The following ALG13 variants were observed in gnomAD, a reference collection of about 807,000 sequenced individuals.
The protein encoded by ALG13 is ALG13 UDP-N-acetylglucosaminyltransferase subunit.
Under a neutral mutation model 87.8 loss-of-function variants are expected in ALG13, and 11 were observed. The ratio of observed to expected loss-of-function variants is 0.13; its 90% CI spans 0.08 to 0.21. ALG13 has a LOEUF of 0.21. Among genes scored for constraint, ALG13 ranks in the 10% least tolerant of loss-of-function variants. ALG13 has a pLI of 1.00. For synonymous variants in ALG13, 320 were observed against 306.3 expected (o/e 1.04, Z -0.47); for missense variants, 756 against 866.1 (o/e 0.87, Z 1.60).
intron 5 of ALG13, among the ~76,000 whole-genome samples, chrX:111,710,330 G>T (rs1403379989): frequency 7.2e-5 from 8 of 111,629 alleles, no homozygotes; most frequent in African/African-American, 2.3e-4. Context: ...ACTGCGTGCA[G>T]TGGAGATTTC....
intron 5 of ALG13, among the ~76,000 whole-genome samples, chrX:111,710,603 A>G (rs1344682703): frequency 8.9e-6 from 1 of 112,096 alleles, no homozygotes; most frequent in Admixed American, 9.4e-5. Flanking sequence ...TACTTACGGA[A>G]GTGATACATT....
In ALG13 at chrX:111,723,826, A is replaced by T. The variant is rs930062859; in HGVS notation, c.1529A>T (p.Tyr510Phe). The change falls in exon 14 of 27, where the codon TAT (tyrosine) becomes TTT (phenylalanine). Residue 510 changes from tyrosine (Y) to phenylalanine (F), a missense_variant. Physicochemically the swap from Tyr to Phe is conservative, Grantham distance 22. Around this residue, in one of 9 missense-constraint regions of ALG13, gnomAD observed 362 missense variants for 383.5 expected, o/e 0.94. Transcript: ENST00000394780. ...QVCLESEGRY[Y>F]NAHIQEVGNE... ...TGCTTGGAATCAGAAGGAAGATATT[A>T]TAATGCTCATATCCAGGAAGTTGGA... is the stretch of plus-strand genomic sequence containing the variant. The T allele has an allele frequency of 8.4e-7, 1 of 1,184,333 alleles. No homozygotes were observed. Among genetic ancestry groups the T allele is most frequent in the Non-Finnish European group, 1.1e-6 (1 of 879,797 alleles).
chrX:111,725,144 T>C, intron 15 of ALG13, 83 bp downstream of exon 15: 1 of 1,048,046 alleles, frequency 9.5e-7, no homozygotes, highest in Non-Finnish European at 1.3e-6. Flanking sequence ...TTTTTAAATG[T>C]ATGTCATATG....
intron 1 of ALG13, chrX:111,681,520 T>C (rs1933164963): frequency 1.0e-6 from 1 of 987,751 alleles, no homozygotes; most frequent in African/African-American, 2.0e-5. Context: ...CTTCCCATTA[T>C]TCCGGCCGCT....
At chrX:111,748,249 A>G (rs983816469) in intron 24 of ALG13, among the ~76,000 whole-genome samples, 1 of 111,849 alleles carries the variant, frequency 8.9e-6, no homozygotes, top group African/African-American at 3.2e-5. Flanking sequence ...TTGTCTTTTC[A>G]TTAAGTGTCT....
At chrX:111,691,578 AGTT>A (rs1201653137) in intron 3 of ALG13, among the ~76,000 whole-genome samples, 2 of 112,396 alleles carry the variant, frequency 1.8e-5, no homozygotes, top group African/African-American at 6.5e-5. Context: ...ATGTGAAAAA[AGTT>A]GTATTTCATT....
At chrX:111,692,801 A>T (rs1602548963) in intron 3 of ALG13, among the ~76,000 whole-genome samples, 1 of 109,349 alleles carries the variant, frequency 9.1e-6, no homozygotes, top group Non-Finnish European at 1.9e-5. Context: ...TTACCAAACA[A>T]TTTTTTTTTT....
chrX:111,760,138 T>C lies in ALG13; in HGVS notation c.*139T>C, dbSNP rs1945618747. ...TTGTCTTTAAAATTATTTTATCTTT[T>C]GATTTAAAATAGTACTTTAAAATTA... On this transcript the variant is annotated 3_prime_UTR_variant, in exon 27 of 27. Coordinates refer to ENST00000394780, the MANE Select transcript of ALG13 (RefSeq NM_001099922.3). 1.9e-5 allele frequency: 14 copies of C among 723,192 alleles called. No homozygotes were observed. In the South Asian group the frequency reaches 4.6e-4, roughly 24 times the overall value. 59.6% of individuals were successfully genotyped at this position (723,192 alleles called of 1,213,427 possible). A position where few individuals can be genotyped will look rare whatever the true frequency, so the allele number is the denominator to read the frequency against.
Position 111,736,748 on chromosome X carries a change from G to A in ALG13, c.2564G>A (p.Cys855Tyr), listed in dbSNP as rs1279923204. The A allele has an allele frequency of 1.1e-5, 13 of 1,209,018 alleles. No individual in the cohort carries two copies. The highest frequency in any genetic ancestry group is 1.5e-5 in the Non-Finnish European group (13 of 894,739). ...AATATTGCAGCAGTTGCAGCTTCCT[G>A]TGCCAATAATGTTCCAGCTCCAGTC... ...MGNIAAVAAS[C>Y]ANNVPAPVLS... The change falls in exon 23 of 27, where the codon TGT becomes TAT. Residue 855 changes from cysteine to tyrosine, a missense_variant. Coordinates refer to ENST00000394780, the MANE Select transcript of ALG13 (RefSeq NM_001099922.3).
intron 25 of ALG13, among the ~76,000 whole-genome samples, chrX:111,754,411 A>C (rs777961259): frequency 3.6e-5 from 4 of 111,982 alleles, no homozygotes; most frequent in Non-Finnish European, 5.6e-5. Context: ...ATAGTATAGG[A>C]AGTTCTGGCC....
chrX:111,698,848 C>T (rs902396750), intron 3 of ALG13, among the ~76,000 whole-genome samples: 1 of 111,413 alleles, frequency 9.0e-6, no homozygotes, highest in Non-Finnish European at 1.9e-5. Context: ...CCCTGACATA[C>T]TGATTTTATT....
chrX:111,739,899 C>T (rs2148360267), intron 23 of ALG13, among the ~76,000 whole-genome samples: 1 of 112,158 alleles, frequency 8.9e-6, no homozygotes, highest in Admixed American at 9.4e-5. Context: ...ATATTTCTAT[C>T]ATCACAAAAA....
intron 1 of ALG13, 66 bp from the exon 2 acceptor site, chrX:111,682,066 G>A: frequency 9.8e-7 from 1 of 1,020,297 alleles, no homozygotes; most frequent in Non-Finnish European, 1.3e-6. Context: ...TAGTAGTGGT[G>A]GTGGTTCCTG....
rs1942108607 is a variant in ALG13 at position 111,726,876 on chromosome X, C to T, written c.1797C>T (p.Tyr599=). ...MFKKIRGKEV[Y]MTMAYGKGDP... is the part of the protein sequence containing the mutation. ...AGAAAATTCGAGGGAAAGAAGTTTA[C>T]ATGACTATGGCTTACGGCAAGGGAG... The change falls in exon 16 of 27, where the codon TAC becomes TAT. Residue 599 remains tyrosine (Y), a synonymous_variant. Transcript: ENST00000394780. 2 of 1,211,094 alleles carry T rather than the reference C, an allele frequency of 1.7e-6. No individual in the cohort carries two copies. Among genetic ancestry groups the T allele is most frequent in the Non-Finnish European group, 2.2e-6 (2 of 895,095 alleles).
intron 23 of ALG13, among the ~76,000 whole-genome samples, chrX:111,738,222 G>A (rs750977894): frequency 3.1e-4 from 35 of 112,368 alleles, no homozygotes; most frequent in African/African-American, 1.1e-3. Flanking sequence ...AGGGGAGAAG[G>A]TCATTTTAGT....
chrX:111,733,843 C>T (rs143793149), intron 21 of ALG13, among the ~76,000 whole-genome samples: 1 of 111,827 alleles, frequency 8.9e-6, no homozygotes, highest in Non-Finnish European at 1.9e-5. Flanking sequence ...TGATTATGGC[C>T]ATTCTTGCAG....
At chrX:111,710,059 C>T (rs1939472826) in intron 5 of ALG13, among the ~76,000 whole-genome samples, 1 of 107,934 alleles carries the variant, frequency 9.3e-6, no homozygotes, top group South Asian at 4.1e-4. Context: ...GAGACAGGGT[C>T]TTCTCTGTTG....
chrX:111,726,008 A>G (rs928293740), intron 15 of ALG13, among the ~76,000 whole-genome samples: 1 of 112,039 alleles, frequency 8.9e-6, no homozygotes, highest in Non-Finnish European at 1.9e-5. Flanking sequence ...CAGTGGCGCT[A>G]TCTCGGCTCA....
At position 111,760,036 on chromosome X, in the gene ALG13, T is replaced by C. The variant is rs1945613873; in HGVS notation, c.*37T>C. The C allele has an allele frequency of 2.0e-5, 24 of 1,175,608 alleles. No homozygotes were observed. The highest frequency in any genetic ancestry group is 2.7e-5 in the Non-Finnish European group (24 of 876,545). ...ATGAAGTATTCTTGCACTGCCATTT[T>C]CTTGCTGTTTTTGTTTTTAAAAAGT... is the stretch of plus-strand genomic sequence containing the variant. On this transcript the variant is annotated 3_prime_UTR_variant, in exon 27 of 27. Transcript: ENST00000394780.
Sources: allele counts gnomAD v4.1 joint callset (sites outside exome capture counted in the v4.1 genomes callset), GRCh38; gene constraint gnomAD v4.1.1; regional missense constraint gnomAD v4.1.1; transcripts MANE v1.5; gene names NCBI Gene and HGNC (gene_info 2026-07-23, HGNC 2026-07-21).